Variants in FNDC3A observed in about 807,000 individuals in gnomAD.
FNDC3A encodes fibronectin type-III domain-containing protein 3A.
A neutral mutation model predicts 148.9 loss-of-function variants in FNDC3A; 32 were observed. The observed-to-expected ratio is 0.21, with a 90% CI of 0.16 to 0.29. The LOEUF (loss-of-function observed/expected upper bound fraction) is 0.29. Ranked by LOEUF, FNDC3A falls within the 10% of genes least tolerant of loss-of-function variation. The probability of loss-of-function intolerance (pLI) is 1.00; values close to 1 mark genes in which losing one functional copy is unlikely to be tolerated. For synonymous variants in FNDC3A, 472 were observed against 473.6 expected (o/e 1.00, Z 0.04); for missense variants, 1,191 against 1,452.8 (o/e 0.82, Z 2.93).
At chr13:49,067,404 C>T (rs540404744) in intron 2 of FNDC3A, among the ~76,000 whole-genome samples, 3 of 152,088 alleles carry the variant, frequency 2.0e-5, no homozygotes, top group African/African-American at 7.2e-5. Context: ...ATAGCCTCAG[C>T]CAACAAGTAT....
intron 2 of FNDC3A, among the ~76,000 whole-genome samples, chr13:49,070,640 A>AATAGAAAGTATTTG (rs1161336268): frequency 1.3e-5 from 2 of 152,162 alleles, no homozygotes; most frequent in Non-Finnish European, 2.9e-5. Context: ...TTTACTATCA[A>AATAGAAAGTATTTG]ATACTAGAAC....
intron 3 of FNDC3A, among the ~76,000 whole-genome samples, chr13:49,096,268 G>T (rs1879519410): frequency 6.6e-6 from 1 of 152,036 alleles, no homozygotes; most frequent in Non-Finnish European, 1.5e-5. Context: ...GGCTCCAGAG[G>T]TTAAAATTAT....
chr13:49,164,218 C>T (rs986035342), intron 8 of FNDC3A, among the ~76,000 whole-genome samples: 2 of 152,192 alleles, frequency 1.3e-5, no homozygotes, highest in Non-Finnish European at 2.9e-5. Context: ...TCATCCCATT[C>T]CCTGCTGGTT....
chr13:49,167,272 G>C lies in FNDC3A; in HGVS notation c.1006G>C (p.Asp336His), dbSNP rs768686708. ...VGEETNITLN[D>H]LKPAMDYHAK... ...AGAAGAAACAAATATCACTTTAAAT[G>C]ATCTCAAGCCAGCCATGGATTACCA... is the stretch of plus-strand genomic sequence containing the variant. The change falls in exon 9 of 26, where the codon GAT becomes CAT. Residue 336 changes from aspartate to histidine, a missense_variant. By Grantham distance (81) the Asp-to-His change is moderately conservative. This residue lies in a region of FNDC3A where 426 missense variants were observed against 473.2 expected (regional missense o/e 0.90). Coordinates refer to ENST00000492622, the MANE Select transcript of FNDC3A (RefSeq NM_001079673.2). 6 of 1,603,814 alleles carry C rather than the reference G, an allele frequency of 3.7e-6. No individual in the cohort carries two copies. Among genetic ancestry groups the C allele is most frequent in the Non-Finnish European group, 5.1e-6 (6 of 1,174,268 alleles).
chr13:49,165,686 G>A (rs1340238657), intron 8 of FNDC3A, among the ~76,000 whole-genome samples: 2 of 152,214 alleles, frequency 1.3e-5, no homozygotes, highest in Non-Finnish European at 2.9e-5. Flanking sequence ...AGTGGCAGCA[G>A]TGGGTCAGGC....
At chr13:49,196,293 C>T (rs1464012569) in intron 19 of FNDC3A, among the ~76,000 whole-genome samples, 1 of 151,942 alleles carries the variant, frequency 6.6e-6, no homozygotes. Context: ...TAATTGTTCT[C>T]CTATGTGTCG....
In FNDC3A at chr13:49,114,698, T is replaced by G. The variant is rs1249540816; in HGVS notation, c.219T>G (p.Pro73=). 6.2e-7 allele frequency: 1 copy of G among 1,613,248 alleles called. No homozygotes were observed. The highest frequency in any genetic ancestry group is 1.7e-5 in the Admixed American group (1 of 60,022). The stretch of plus-strand genomic sequence containing the variant: ...TGATGTCCCCAAATGGTTCTGTGCC[T>G]CCTATCTATGTGCCTCCTGGATATG... ...VPMMSPNGSV[P]PIYVPPGYAP... is the part of the protein sequence containing the mutation. The change falls in exon 4 of 26, where the codon CCT becomes CCG. Residue 73 remains proline, a synonymous_variant. Transcript: ENST00000492622.
In FNDC3A at chr13:49,105,985, G is replaced by A. The variant is rs144999013; in HGVS notation, c.176-8670G>A. The stretch of plus-strand genomic sequence containing the variant: ...AGTAACCTATGAGGCCTAACAGAGT[G>A]TAGCTCATTTCCCTCTTAATCACTC... On this transcript the variant is annotated intron_variant, in intron 3 of 25. Transcript: ENST00000492622. 6.5e-3 allele frequency among the ~76,000 whole-genome samples: 993 copies of A among 152,264 alleles called. 2 individuals are homozygous for A. Among genetic ancestry groups the A allele is most frequent in the Middle Eastern group, 0.014 (4 of 294 alleles).
intron 3 of FNDC3A, among the ~76,000 whole-genome samples, chr13:49,078,289 G>A (rs1878249292): frequency 6.6e-6 from 1 of 152,140 alleles, no homozygotes; most frequent in African/African-American, 2.4e-5. Flanking sequence ...ATATGCGGCA[G>A]TGACCCCTTT....
intron 2 of FNDC3A, among the ~76,000 whole-genome samples, chr13:49,050,547 G>C (rs1016934461): frequency 1.2e-4 from 18 of 152,120 alleles, no homozygotes; most frequent in Non-Finnish European, 2.1e-4. Flanking sequence ...ACTGAAACTT[G>C]TTTTGTGTCC....
Position 49,102,779 on chromosome 13 carries a change from C to T in FNDC3A, c.176-11876C>T, listed in dbSNP as rs75175290. Among the ~76,000 whole-genome samples the T allele has an allele frequency of 5.2e-3, 794 of 152,234 alleles. 11 individuals are homozygous for T. The highest frequency in any genetic ancestry group is 4.1e-3 in the Non-Finnish European group (277 of 68,008). On this transcript the variant is annotated intron_variant, in intron 3 of 25. Coordinates refer to ENST00000492622, the MANE Select transcript of FNDC3A (RefSeq NM_001079673.2). ...TAGGAATGCATTATGCAGTGACCAG[C>T]ATATTTTTCATTTTTCCATTCTTGT...
chr13:49,023,828 A>G (rs1873502934), intron 2 of FNDC3A, among the ~76,000 whole-genome samples: 1 of 151,976 alleles, frequency 6.6e-6, no homozygotes, highest in South Asian at 2.1e-4. Flanking sequence ...GATTAATATA[A>G]AGCAAGATGA....
At chr13:49,082,936 ATCT>A (rs1465194536) in intron 3 of FNDC3A, among the ~76,000 whole-genome samples, 22 of 152,132 alleles carry the variant, frequency 1.4e-4, no homozygotes, top group African/African-American at 4.8e-4. Flanking sequence ...TGAGGAGGCC[ATCT>A]GTGTGGAGGG....
At chr13:49,128,140 A>C (rs1881813691) in intron 4 of FNDC3A, among the ~76,000 whole-genome samples, 1 of 152,136 alleles carries the variant, frequency 6.6e-6, no homozygotes, top group African/African-American at 2.4e-5. Context: ...TCGGCCTCCC[A>C]AAGTGCTGGG....
intron 4 of FNDC3A, among the ~76,000 whole-genome samples, chr13:49,130,685 C>T (rs1193896401): frequency 6.6e-6 from 1 of 151,980 alleles, no homozygotes; most frequent in African/African-American, 2.4e-5. Flanking sequence ...TTACATGTAC[C>T]AATATATTTA....
intron 1 of FNDC3A, among the ~76,000 whole-genome samples, chr13:48,977,115 C>T (rs1034721081): frequency 2.0e-5 from 3 of 152,068 alleles, no homozygotes; most frequent in African/African-American, 7.2e-5. Flanking sequence ...TGAGATTTTA[C>T]GTAAGTTCCT....
intron 1 of FNDC3A, 67 bp from the exon 2 acceptor site, chr13:49,006,085 G>C: frequency 1.9e-6 from 1 of 535,304 alleles, no homozygotes; most frequent in Non-Finnish European, 3.3e-6. Context: ...GAAACATCTT[G>C]AATGTACAAT....
chr13:49,198,034 C>T lies in FNDC3A; in HGVS notation c.2543C>T (p.Thr848Ile), dbSNP rs1243086267. 6.2e-7 allele frequency: 1 copy of T among 1,613,996 alleles called. No individual in the cohort carries two copies. ...TTCAGTGAAGTAGTAGCCTGTGTGA[C>T]TCCACCATCAGTTCCTGGCATTGTG... ...GPFSEVVACV[T>I]PPSVPGIVTC... The change falls in exon 22 of 26, where the codon ACT becomes ATT. Residue 848 changes from threonine (T) to isoleucine (I), a missense_variant. Physicochemically the swap from Thr to Ile is moderately conservative, Grantham distance 89. Transcript: ENST00000492622.
chr13:48,986,357 A>AG (rs1951793298), intron 1 of FNDC3A, among the ~76,000 whole-genome samples: 1 of 145,512 alleles, frequency 6.9e-6, no homozygotes, highest in African/African-American at 2.5e-5. Context: ...GAAGCTTAAG[A>AG]GGAAGACAGA....
Sources: gnomAD v4.1 joint callset for allele counts (sites outside exome capture counted in the v4.1 genomes callset) on GRCh38, gnomAD v4.1.1 for gene constraint, gnomAD v4.1.1 regional missense constraint, MANE v1.5 for transcripts, NCBI Gene and HGNC (gene_info 2026-07-23, HGNC 2026-07-21) for gene names.